GLS: variants seen among roughly 807,000 people sequenced by gnomAD.
GLS encodes glutaminase kidney isoform, mitochondrial.
In GLS, 36 loss-of-function variants were observed where a neutral mutation model predicts 86.7. The ratio of observed to expected loss-of-function variants is 0.42; its 90% confidence interval spans 0.32 to 0.55. The LOEUF is 0.55. Ranked by LOEUF, GLS falls within the 20% of genes least tolerant of loss-of-function variation. GLS has a pLI of 0.17. For synonymous variants in GLS, 317 were observed against 305.9 expected (o/e 1.04, Z -0.38); for missense variants, 528 against 833.4 (o/e 0.63, Z 4.51).
intron 12 of GLS, among the ~76,000 whole-genome samples, chr2:190,929,835 A>G (rs921665936): frequency 6.0e-5 from 9 of 150,640 alleles, no homozygotes; most frequent in Non-Finnish European, 1.0e-4. Flanking sequence ...TTGAAATTCT[A>G]TGGTATGTAT....
At chr2:190,901,245 CATAA>C (rs925411056) in intron 4 of GLS, among the ~76,000 whole-genome samples, 5 of 152,074 alleles carry the variant, frequency 3.3e-5, no homozygotes, top group South Asian at 2.1e-4. Flanking sequence ...TTACCGATAA[CATAA>C]ATAGTCTATT....
chr2:190,950,090 G>A (rs1055222634), intron 14 of GLS, among the ~76,000 whole-genome samples: 1 of 151,894 alleles, frequency 6.6e-6, no homozygotes, highest in African/African-American at 2.4e-5. Flanking sequence ...CATTTGAATG[G>A]AGACCTACCC....
At chr2:190,926,142 A>C (rs1291060641) in intron 11 of GLS, among the ~76,000 whole-genome samples, 1 of 152,188 alleles carries the variant, frequency 6.6e-6, no homozygotes, top group Non-Finnish European at 1.5e-5. Context: ...TTAGCAGGAG[A>C]GTACCCGAGT....
intron 14 of GLS, among the ~76,000 whole-genome samples, chr2:190,946,379 G>T (rs1259830921): frequency 6.6e-6 from 1 of 152,158 alleles, no homozygotes; most frequent in Non-Finnish European, 1.5e-5. Flanking sequence ...AGTCATGATG[G>T]TTTATTTAAC....
intron 1 of GLS, among the ~76,000 whole-genome samples, chr2:190,885,831 A>C (rs1353165441): frequency 6.6e-6 from 1 of 150,518 alleles, no homozygotes. Flanking sequence ...CTAGGTGATG[A>C]TTATCAGTGA....
At position 190,889,940 on chromosome 2, in the gene GLS, T is replaced by G. The variant is rs542924744; in HGVS notation, c.387-5212T>G. ...TCAAGGCAGACCAGTTTAGTTCTCT[T>G]ATGTGCATTTTGGTTAGAAATTTAT... On this transcript the variant is annotated intron_variant, in intron 1 of 17. Transcript: ENST00000320717. 5.9e-5 allele frequency among the ~76,000 whole-genome samples: 9 copies of G among 152,326 alleles called. No individual in the cohort carries two copies. In the South Asian group the frequency reaches 1.9e-3, roughly 32 times the overall value.
rs954894574 is a variant in GLS, at chr2:190,914,405, T to A, written c.1038+4084T>A. On this transcript the variant is annotated intron_variant, in intron 7 of 17. Transcript: ENST00000320717. This position sits in a 1 kb window ranked among gnomAD's most constrained non-coding sequence, Gnocchi z 4.4. ...ACAGGATTATATTGGTTTATTTACT[T>A]CTTGTTTATATCAGTTTATGCTTTA... 1.8e-4 allele frequency among the ~76,000 whole-genome samples: 27 copies of A among 152,064 alleles called. No homozygotes were observed. Among genetic ancestry groups the A allele is most frequent in the African/African-American group, 6.5e-4 (27 of 41,428 alleles).
At position 190,945,346 on chromosome 2, in the gene GLS, T is replaced by G. The variant is rs76916780; in HGVS notation, c.1651-8219T>G. Among the ~76,000 whole-genome samples the G allele has an allele frequency of 2.8e-3, 428 of 152,222 alleles. 2 individuals are homozygous for G. The highest frequency in any genetic ancestry group is 9.5e-3 in the African/African-American group (393 of 41,542). On this transcript the variant is annotated intron_variant, in intron 14 of 17. Transcript: ENST00000320717. ...TTTTTAGTTTACAAATGAGTGAAATTATTTCAGATTAAACTGGTCATTGAA... is the reference window on the plus strand; with the variant it reads ...TTTTTAGTTTACAAATGAGTGAAATGATTTCAGATTAAACTGGTCATTGAA...
At chr2:190,911,915 T>A (rs1430138313) in intron 7 of GLS, among the ~76,000 whole-genome samples, 1 of 152,130 alleles carries the variant, frequency 6.6e-6, no homozygotes, top group Non-Finnish European at 1.5e-5. Context: ...AAAGGGCTTA[T>A]GTAAATAATT....
rs1264710793 is a variant in GLS, at chr2:190,924,275, C to T, written c.1198-268C>T. On this transcript the variant is annotated intron_variant, in intron 10 of 17. Transcript: ENST00000320717. This position sits in a 1 kb window ranked among gnomAD's most constrained non-coding sequence, Gnocchi z 5.2. ...CATGATGCCTGATTACTGTTAACTA[C>T]TCTTGATTTTTTTAAGTGGCTGGTC... Among the ~76,000 whole-genome samples the T allele has an allele frequency of 6.6e-6, 1 of 152,016 alleles. No individual in the cohort carries two copies. Among genetic ancestry groups the T allele is most frequent in the African/African-American group, 2.4e-5 (1 of 41,380 alleles).
Position 190,913,823 on chromosome 2 carries a change from C to CCTTGTCTCTAAAA in GLS, c.1038+3502_1038+3503insCTTGTCTCTAAAA. 2.8e-6 allele frequency: 2 copies of CCTTGTCTCTAAAA among 721,232 alleles called. No homozygotes were observed. The highest frequency in any genetic ancestry group is 3.4e-6 in the Non-Finnish European group (2 of 589,168). 44.7% of individuals were successfully genotyped at this position (721,232 alleles called of 1,614,324 possible). On this transcript the variant is annotated intron_variant, in intron 7 of 17. Coordinates refer to ENST00000320717, the MANE Select transcript of GLS (RefSeq NM_014905.5). This position sits in a 1 kb window ranked among gnomAD's most constrained non-coding sequence, Gnocchi z 6.1. ...TTTTTTGTTTTTTGTTTTTTAGAGA[C>CCTTGTCTCTAAAA]AAGGTCTCTCTCTGTTGCCCAGTCT...
At chr2:190,959,927 A>G (rs1690959409) in intron 17 of GLS, among the ~76,000 whole-genome samples, 1 of 152,188 alleles carries the variant, frequency 6.6e-6, no homozygotes, top group Non-Finnish European at 1.5e-5. Flanking sequence ...TTAAATTTTA[A>G]TCAGTGCTTT....
At chr2:190,922,529 A>G (rs1689773450) in intron 9 of GLS, among the ~76,000 whole-genome samples, 2 of 151,918 alleles carry the variant, frequency 1.3e-5, no homozygotes, top group African/African-American at 4.8e-5. Context: ...CCCCATAACC[A>G]CCATTAGACT....
intron 14 of GLS, among the ~76,000 whole-genome samples, chr2:190,944,304 A>T (rs1164567405): frequency 6.6e-6 from 1 of 151,242 alleles, no homozygotes; most frequent in Non-Finnish European, 1.5e-5. Flanking sequence ...CTTGTTTTTT[A>T]AATATAGCAC....
chr2:190,893,005 T>C (rs892113711), intron 1 of GLS, among the ~76,000 whole-genome samples: 3 of 152,220 alleles, frequency 2.0e-5, no homozygotes, highest in Admixed American at 2.0e-4. Context: ...TACCATTTAC[T>C]TGTGTGATAA....
intron 14 of GLS, among the ~76,000 whole-genome samples, chr2:190,939,822 C>G (rs1481475949): frequency 6.6e-6 from 1 of 151,584 alleles, no homozygotes; most frequent in Non-Finnish European, 1.5e-5. Flanking sequence ...GAATTCCACC[C>G]AAGTTCTGTT....
rs1434652459 is a variant in GLS at position 190,921,472 on chromosome 2, A to G, written c.1130+269A>G. ...CTCTCTTCTATTTCTGTTCCAGGCT[A>G]TCTGGATTTTTACCCCAATTTTTTA... is the stretch of plus-strand genomic sequence containing the variant. On this transcript the variant is annotated intron_variant, in intron 9 of 17. Transcript: ENST00000320717. This position sits in a 1 kb window ranked among gnomAD's most constrained non-coding sequence, Gnocchi z 4.2. Among the ~76,000 whole-genome samples the G allele has an allele frequency of 6.6e-6, 1 of 151,898 alleles. No individual in the cohort carries two copies. The highest frequency in any genetic ancestry group is 6.6e-5 in the Admixed American group (1 of 15,246).
intron 7 of GLS, 39 bp downstream of exon 7, chr2:190,910,360 T>G (rs754663894): frequency 1.7e-6 from 2 of 1,144,896 alleles, no homozygotes; most frequent in South Asian, 1.4e-5. Flanking sequence ...AGTAAAACTT[T>G]TTTTTTTTAA....
chr2:190,907,149 C>T (rs193167175), intron 6 of GLS, among the ~76,000 whole-genome samples: 1 of 152,082 alleles, frequency 6.6e-6, no homozygotes, highest in East Asian at 1.9e-4. Context: ...TGGTCTCGAT[C>T]TCCTGACCTC....
Sources: allele counts gnomAD v4.1 joint callset (sites outside exome capture counted in the v4.1 genomes callset), GRCh38; gene constraint gnomAD v4.1.1; non-coding constraint Gnocchi (gnomAD v3.1); transcripts MANE v1.5; gene names NCBI Gene and HGNC (gene_info 2026-07-23, HGNC 2026-07-21).